PMS1: variants seen among roughly 807,000 people sequenced by gnomAD.
PMS1 encodes PMS1 protein homolog 1.
Under a neutral mutation model 93.1 loss-of-function variants are expected in PMS1, and 79 were observed. That is an observed-to-expected ratio of 0.85 (90% CI 0.71 to 1.02). The LOEUF (loss-of-function observed/expected upper bound fraction) is 1.02. Among genes scored for constraint, PMS1 ranks in the 50% least tolerant of loss-of-function variants. The pLI is 0.00. For synonymous variants in PMS1, 335 were observed against 363.4 expected (o/e 0.92, Z 0.89); for missense variants, 1,064 against 1,085.3 (o/e 0.98, Z 0.28).
Position 189,863,943 on chromosome 2 carries a change from T to C in PMS1, c.2057T>C (p.Ile686Thr), listed in dbSNP as rs769922512. Residue 686 changes from isoleucine to threonine, a missense_variant, in exon 10 of 13, where the codon ATT (isoleucine) becomes ACT (threonine). Ile to Thr is a moderately conservative substitution (Grantham distance 89). Transcript: ENST00000441310. ...CTTGATGAACTCCTTCAGTCCCAAA[T>C]TGAAAAAAGAAGGAGTCAAAATATT... Reference protein sequence around the residue: ...PKLDELLQSQIEKRRSQNIKM... With the variant: ...PKLDELLQSQTEKRRSQNIKM... 11 of 1,610,560 alleles carry C rather than the reference T, an allele frequency of 6.8e-6. No individual in the cohort carries two copies. Among genetic ancestry groups the C allele is most frequent in the Middle Eastern group, 1.7e-4 (1 of 6,046 alleles).
At chr2:189,874,561 C>T (rs1191372745) in intron 12 of PMS1, among the ~76,000 whole-genome samples, 2 of 152,032 alleles carry the variant, frequency 1.3e-5, no homozygotes, top group East Asian at 3.9e-4. Flanking sequence ...TCTAGATATC[C>T]CTCAAGATTG....
intron 5 of PMS1, 40 bp from the exon 6 acceptor site, chr2:189,843,924 A>T (rs1463351199): frequency 1.3e-5 from 20 of 1,540,180 alleles, no homozygotes; most frequent in Non-Finnish European, 1.8e-5. Flanking sequence ...TAGTAAATCT[A>T]AATTGTATTA....
chr2:189,865,467 A>G (rs1042308982), intron 10 of PMS1, among the ~76,000 whole-genome samples: 41 of 152,308 alleles, frequency 2.7e-4, no homozygotes, highest in African/African-American at 8.9e-4. Context: ...TTCATATTTC[A>G]TCACATCAAA....
intron 9 of PMS1, among the ~76,000 whole-genome samples, chr2:189,860,409 G>GT (rs1047900091): frequency 0.015 from 2,163 of 147,186 alleles, 45 homozygotes; most frequent in African/African-American, 0.049. Context: ...ATGTGTAGTA[G>GT]TTTTTTTTTT....
At chr2:189,806,136 A>G (rs1177391703) in intron 4 of PMS1, 1 of 363,926 alleles carries the variant, frequency 2.7e-6, no homozygotes, top group Non-Finnish European at 4.9e-6. Flanking sequence ...CCATCAAGAT[A>G]TGATTAAATA....
chr2:189,801,247 G>A (rs2049863311), intron 3 of PMS1, among the ~76,000 whole-genome samples: 1 of 152,194 alleles, frequency 6.6e-6, no homozygotes. Flanking sequence ...ATCAGCAACT[G>A]ACACAAATTT....
chr2:189,789,903 A>G (rs144776130), intron 1 of PMS1, among the ~76,000 whole-genome samples: 2 of 152,286 alleles, frequency 1.3e-5, no homozygotes, highest in African/African-American at 4.8e-5. Flanking sequence ...AAATTAGGCA[A>G]TAAGATGCAA....
Position 189,877,399 on chromosome 2 carries a change from T to G in PMS1, c.2762T>G (p.Phe921Cys). The change falls in exon 13 of 13, where the codon TTT (phenylalanine) becomes TGT (cysteine). Residue 921 changes from phenylalanine to cysteine, a missense_variant. Coordinates refer to ENST00000441310, the MANE Select transcript of PMS1 (RefSeq NM_000534.5). ...AAAGAGTGTGTTCATGGTCGCCCAT[T>G]TTTTCATCATTTAACCTATCTTCCA... Reference protein sequence around the residue: ...EIKECVHGRPFFHHLTYLPET... With the variant: ...EIKECVHGRPCFHHLTYLPET... 2 of 1,613,036 alleles carry G rather than the reference T, an allele frequency of 1.2e-6. No homozygotes were observed. The highest frequency in any genetic ancestry group is 2.2e-5 in the South Asian group (2 of 91,066).
At chr2:189,793,122 A>G (rs912566390) in intron 2 of PMS1, among the ~76,000 whole-genome samples, 9 of 152,050 alleles carry the variant, frequency 5.9e-5, no homozygotes, top group African/African-American at 1.7e-4. Context: ...TACTATACCC[A>G]TTTTACAGAT....
chr2:189,857,372 A>G (rs757431171), intron 9 of PMS1: 4 of 395,780 alleles, frequency 1.0e-5, no homozygotes, highest in Non-Finnish European at 2.1e-5. Flanking sequence ...GACCATGATC[A>G]GCTGAGTCTA....
intron 11 of PMS1, among the ~76,000 whole-genome samples, chr2:189,869,775 CCA>C (rs1442362614): frequency 1.3e-4 from 20 of 151,304 alleles, no homozygotes; most frequent in Non-Finnish European, 2.9e-4. Context: ...CAAGATCACG[CCA>C]CTGCACTCTA....
At chr2:189,845,107 C>T (rs2054145134) in intron 6 of PMS1, among the ~76,000 whole-genome samples, 1 of 152,214 alleles carries the variant, frequency 6.6e-6, no homozygotes, top group African/African-American at 2.4e-5. Context: ...ATCTGCCTGC[C>T]TCAGCCTCCC....
At chr2:189,814,198 A>G (rs1219023207) in intron 4 of PMS1, among the ~76,000 whole-genome samples, 4 of 152,058 alleles carry the variant, frequency 2.6e-5, no homozygotes, top group African/African-American at 9.7e-5. Flanking sequence ...AGTGAGAACT[A>G]TGTGTTCTCA....
intron 6 of PMS1, among the ~76,000 whole-genome samples, chr2:189,845,129 A>T (rs1445113007): frequency 1.3e-5 from 2 of 152,206 alleles, no homozygotes; most frequent in African/African-American, 2.4e-5. Flanking sequence ...AAGTGCTGGG[A>T]TTATAGGCGT....
chr2:189,858,045 G>C (rs5743150), intron 9 of PMS1, among the ~76,000 whole-genome samples: 25 of 152,216 alleles, frequency 1.6e-4, no homozygotes, highest in South Asian at 6.2e-4. Flanking sequence ...GATAATGGAA[G>C]GTTCTCAAAG....
intron 4 of PMS1, among the ~76,000 whole-genome samples, chr2:189,815,114 A>C (rs1326633364): frequency 3.3e-5 from 5 of 151,692 alleles, no homozygotes; most frequent in Non-Finnish European, 7.4e-5. Context: ...AAAAAAAAAA[A>C]GATATGATAC....
At chr2:189,792,297 C>T (rs1383479439) in intron 2 of PMS1, among the ~76,000 whole-genome samples, 1 of 151,966 alleles carries the variant, frequency 6.6e-6, no homozygotes, top group Non-Finnish European at 1.5e-5. Flanking sequence ...TCCCTTGTTA[C>T]TTTTTTCACA....
chr2:189,837,547 G>T (rs971141861), intron 5 of PMS1, among the ~76,000 whole-genome samples: 6 of 152,056 alleles, frequency 3.9e-5, no homozygotes, highest in African/African-American at 1.4e-4. Flanking sequence ...TTAGCTGTTG[G>T]CTGGCTTAAA....
At chr2:189,806,161 T>A (rs370732570) in intron 4 of PMS1, 2 of 320,482 alleles carry the variant, frequency 6.2e-6, no homozygotes, top group Non-Finnish European at 5.7e-6. Context: ...AAAATCTATT[T>A]GTTAATTGAT....
Sources: gnomAD v4.1 joint callset for allele counts (sites outside exome capture counted in the v4.1 genomes callset) on GRCh38, gnomAD v4.1.1 for gene constraint, MANE v1.5 for transcripts, NCBI Gene and HGNC (gene_info 2026-07-23, HGNC 2026-07-21) for gene names.